MPRIP: variants seen among roughly 807,000 people sequenced by gnomAD.
MPRIP encodes the protein myosin phosphatase Rho interacting protein.
MPRIP carries 59 observed loss-of-function variants against 234.9 expected under a neutral mutation model. The ratio of observed to expected loss-of-function variants is 0.25; its 90% confidence interval spans 0.20 to 0.31. The LOEUF is 0.31. Among genes scored for constraint, MPRIP ranks in the 10% least tolerant of loss-of-function variants. MPRIP has a pLI of 1.00. For missense variants in MPRIP, 2,436 were observed against 3,071.0 expected (o/e 0.79, Z 4.89); for synonymous variants, 1,144 against 1,263.9 (o/e 0.91, Z 2.01).
intron 1 of MPRIP, chr17:17,057,557 T>G (rs1466327743): frequency 4.2e-6 from 3 of 716,132 alleles, no homozygotes; most frequent in Non-Finnish European, 7.8e-6. Flanking sequence ...CAGAGGACCT[T>G]GGGGTCAGCT....
chr17:17,071,094 G>A (rs7208929), intron 1 of MPRIP, among the ~76,000 whole-genome samples: 125,078 of 152,182 alleles, frequency 0.82, 51,603 homozygotes, highest in East Asian at 0.99. Context: ...AAGGGTCCTC[G>A]TTGCTGTTGG....
At chr17:17,169,101 A>C in intron 16 of MPRIP, 1 of 425,292 alleles carries the variant, frequency 2.4e-6, no homozygotes, top group Non-Finnish European at 4.7e-6. Flanking sequence ...TCCCCAAATC[A>C]GTCAAAACCT....
intron 4 of MPRIP, 47 bp from the exon 5 acceptor site, chr17:17,131,570 C>T (rs763475250): frequency 9.7e-6 from 15 of 1,553,942 alleles, no homozygotes; most frequent in Non-Finnish European, 6.2e-6. Context: ...TCCTAGTCCC[C>T]GAGTGCCAGG....
chr17:17,165,009 G>T lies in MPRIP; in HGVS notation c.3418G>T (p.Ala1140Ser), dbSNP rs1015066684. Residue 1140 changes from alanine (A) to serine (S), a missense_variant, in exon 16 of 24, where the codon GCT (alanine) becomes TCT (serine). Coordinates refer to ENST00000651222, the MANE Select transcript of MPRIP (RefSeq NM_001364716.4). ...CCGGGAAAAGCTGAGGAGAAGAGAGGCTGACAACCAGAGCCTGGAGCACTC... is the reference window on the plus strand; with the variant it reads ...CCGGGAAAAGCTGAGGAGAAGAGAGTCTGACAACCAGAGCCTGGAGCACTC... ...ELREKLRRREADNQSLEHSYQ... is the reference protein window; with the variant it reads ...ELREKLRRRESDNQSLEHSYQ... The T allele has an allele frequency of 4.6e-6, 6 of 1,301,654 alleles. No homozygotes were observed. The African/African-American group carries it at 9.1e-5, about 20-fold the overall frequency. The allele number at this position is 1,301,654 out of a possible 1,614,324, so 80.6% of individuals were successfully genotyped here. A position where few individuals can be genotyped will look rare whatever the true frequency, so the allele number is the denominator to read the frequency against.
Position 17,142,770 on chromosome 17 carries a change from GCTC to G in MPRIP, c.1389+8_1389+10del. 1 of 1,611,696 alleles carries G rather than the reference GCTC, an allele frequency of 6.2e-7. No individual in the cohort carries two copies. The highest frequency in any genetic ancestry group is 1.7e-5 in the Admixed American group (1 of 59,980). ...AGGGCGTTCCCTAGGAAGCGGGTGA[GCTC>G]CTGGGGCTGGGCAGCACCTCAGGGG... On this transcript the variant is annotated splice_donor_region_variant and intron_variant, in intron 8 of 23. Coordinates refer to ENST00000651222, the MANE Select transcript of MPRIP (RefSeq NM_001364716.4).
chr17:17,080,321 C>G (rs2089433351), intron 3 of MPRIP, among the ~76,000 whole-genome samples: 1 of 152,242 alleles, frequency 6.6e-6, no homozygotes, highest in Non-Finnish European at 1.5e-5. Context: ...CTCAGAGCCA[C>G]TCCCCAGAGT....
chr17:17,140,871 C>G (rs1291990364), intron 7 of MPRIP, among the ~76,000 whole-genome samples: 1 of 152,162 alleles, frequency 6.6e-6, no homozygotes, highest in Admixed American at 6.5e-5. Context: ...CGGTTAGTGC[C>G]CTGGGAACCC....
chr17:17,086,567 G>T (rs1464545696), intron 3 of MPRIP, among the ~76,000 whole-genome samples: 1 of 152,224 alleles, frequency 6.6e-6, no homozygotes, highest in Non-Finnish European at 1.5e-5. Context: ...TGAGCTTCCT[G>T]TAGGCCACTT....
At position 17,146,057 on chromosome 17, in the gene MPRIP, A is replaced by C; in HGVS notation, c.1525A>C (p.Lys509Gln). The C allele has an allele frequency of 1.2e-6, 2 of 1,614,074 alleles. No individual in the cohort carries two copies. Among genetic ancestry groups the C allele is most frequent in the Non-Finnish European group, 8.5e-7 (1 of 1,179,998 alleles). Residue 509 changes from lysine to glutamine, a missense_variant, in exon 10 of 24, where the codon AAA becomes CAA. Physicochemically the swap from Lys to Gln is moderately conservative, Grantham distance 53. This residue lies in a region of MPRIP where 1,998 missense variants were observed against 2,520.3 expected (regional missense o/e 0.79). Coordinates refer to ENST00000651222, the MANE Select transcript of MPRIP (RefSeq NM_001364716.4). Reference protein sequence around the residue: ...SVTPDLLNFKKGWLTKQYEDG... With the variant: ...SVTPDLLNFKQGWLTKQYEDG... ...TCAGCCCGACCTGCTGAATTTCAAG[A>C]AAGGCTGGCTGACTAAGCAGTATGA... is the stretch of plus-strand genomic sequence containing the variant.
At chr17:17,178,233 T>C (rs1449770149) in intron 22 of MPRIP, among the ~76,000 whole-genome samples, 1 of 152,164 alleles carries the variant, frequency 6.6e-6, no homozygotes, top group Non-Finnish European at 1.5e-5. Flanking sequence ...AGATTATACA[T>C]AATTTCATTT....
intron 21 of MPRIP, among the ~76,000 whole-genome samples, chr17:17,177,046 C>T (rs530906085): frequency 6.6e-6 from 1 of 152,364 alleles, no homozygotes; most frequent in East Asian, 1.9e-4. Flanking sequence ...CCTGCCATGT[C>T]CTGATGGCTG....
chr17:17,171,581 C>T (rs2046135771), intron 16 of MPRIP, 137 bp from the exon 17 acceptor site: 3 of 1,108,924 alleles, frequency 2.7e-6, no homozygotes, highest in Admixed American at 2.4e-5. Context: ...TCAGGGCGCC[C>T]ATGGTGGAGC....
intron 22 of MPRIP, among the ~76,000 whole-genome samples, chr17:17,177,944 T>G (rs1597519979): frequency 8.4e-6 from 1 of 119,400 alleles, no homozygotes; most frequent in Non-Finnish European, 1.8e-5. Flanking sequence ...TTTTTTTTTT[T>G]GAAACTGGGT....
rs1369296873 is a variant in MPRIP, at chr17:17,164,098, G to A, written c.2518-11G>A. The A allele has an allele frequency of 1.5e-6, 2 of 1,303,642 alleles. No individual in the cohort carries two copies. The highest frequency in any genetic ancestry group is 2.3e-5 in the Admixed American group (1 of 43,524). The allele number at this position is 1,303,642 out of a possible 1,614,324, so 80.8% of individuals were successfully genotyped here. ...AGTGTTACTAACCAGTATTTAATCG[G>A]TTTTTTTAAGACTGAAGTGGCCGCC... On this transcript the variant is annotated splice_polypyrimidine_tract_variant and intron_variant, in intron 15 of 23. Transcript: ENST00000651222.
intron 6 of MPRIP, 86 bp from the exon 7 acceptor site, chr17:17,137,830 C>A (rs1307725829): frequency 1.6e-6 from 2 of 1,272,542 alleles, no homozygotes; most frequent in Non-Finnish European, 2.1e-6. Flanking sequence ...CTGCTTGGAT[C>A]CTACATGGGC....
At chr17:17,073,252 A>G (rs966763254) in intron 1 of MPRIP, among the ~76,000 whole-genome samples, 1 of 151,904 alleles carries the variant, frequency 6.6e-6, no homozygotes, top group Non-Finnish European at 1.5e-5. Context: ...CCGCCCGCCC[A>G]CCTGCATCAG....
intron 13 of MPRIP, among the ~76,000 whole-genome samples, chr17:17,156,728 G>A (rs1298478705): frequency 1.3e-5 from 2 of 152,226 alleles, no homozygotes; most frequent in Non-Finnish European, 2.9e-5. Flanking sequence ...CCTGCCCTAT[G>A]TGTCATCCTG....
In MPRIP at chr17:17,057,039, C is replaced by T. The variant is rs79442830; in HGVS notation, c.123+14068C>T. Reference sequence around the variant, plus strand: ...TAGTGCTGCTGTGAACACAGGTGTGCGGGCATTTGTCTGAACACCTCCTTT... The same window carrying T: ...TAGTGCTGCTGTGAACACAGGTGTGTGGGCATTTGTCTGAACACCTCCTTT... On this transcript the variant is annotated intron_variant, in intron 1 of 23. Coordinates refer to ENST00000651222, the MANE Select transcript of MPRIP (RefSeq NM_001364716.4). 9.0e-3 allele frequency among the ~76,000 whole-genome samples: 1,371 copies of T among 152,346 alleles called. 26 individuals carry two copies. Among genetic ancestry groups the T allele is most frequent in the African/African-American group, 0.03 (1,238 of 41,568 alleles).
intron 15 of MPRIP, among the ~76,000 whole-genome samples, chr17:17,161,837 T>C (rs149574783): frequency 0.024 from 3,608 of 152,240 alleles, 115 homozygotes; most frequent in Middle Eastern, 0.085. Flanking sequence ...TCTGTTTCTA[T>C]ACCACACCTG....
Sources: allele counts gnomAD v4.1 joint callset (sites outside exome capture counted in the v4.1 genomes callset), GRCh38; gene constraint gnomAD v4.1.1; regional missense constraint gnomAD v4.1.1; transcripts MANE v1.5; gene names NCBI Gene and HGNC (gene_info 2026-07-23, HGNC 2026-07-21).